GRAMD1B: variants seen among roughly 807,000 people sequenced by gnomAD.
The protein encoded by GRAMD1B is GRAM domain containing 1B.
Under a neutral mutation model 99.7 loss-of-function variants are expected in GRAMD1B, and 37 were observed. The observed-to-expected ratio is 0.37, with a 90% confidence interval of 0.29 to 0.49. GRAMD1B has a LOEUF of 0.49. Among genes scored for constraint, GRAMD1B ranks in the 20% least tolerant of loss-of-function variants. The pLI is 0.98. For missense variants in GRAMD1B, 888 were observed against 1,009.2 expected (o/e 0.88, Z 1.63); for synonymous variants, 427 against 387.6 (o/e 1.10, Z -1.19).
rs1184622583 is a variant in GRAMD1B at position 123,606,671 on chromosome 11, C to T, written c.1386C>T (p.Leu462=). ...LEGDGSLEKE[L]AIDNIMGEKI... ...GAGACGGGTCCCTGGAAAAGGAGCT[C>T]GCCATTGACAACATCATGGGGGAGA... The change falls in exon 11 of 20, where the codon CTC becomes CTT. Residue 462 remains leucine (L), a synonymous_variant. Transcript: ENST00000635736. 11 of 1,613,140 alleles carry T rather than the reference C, an allele frequency of 6.8e-6. No individual in the cohort carries two copies. Among genetic ancestry groups the T allele is most frequent in the Admixed American group, 6.7e-5 (4 of 59,914 alleles).
chr11:123,624,064 T>A lies in GRAMD1B; in HGVS notation c.*1469T>A, dbSNP rs951080251. 1.3e-5 allele frequency: 2 copies of A among 152,220 alleles called. No individual in the cohort carries two copies. Among genetic ancestry groups the A allele is most frequent in the African/African-American group, 4.8e-5 (2 of 41,470 alleles). The allele number at this position is 152,220 out of a possible 1,614,324, so 9.4% of individuals were successfully genotyped here. On this transcript the variant is annotated 3_prime_UTR_variant, in exon 20 of 20. Coordinates refer to ENST00000635736, the MANE Select transcript of GRAMD1B (RefSeq NM_001387025.1). ...CATCCCTCATACACTAACTACTGTTTCTTCATGTAATGACCAAAAGAGTCC... is the reference window on the plus strand; with the variant it reads ...CATCCCTCATACACTAACTACTGTTACTTCATGTAATGACCAAAAGAGTCC...
chr11:123,535,290 GT>G (rs563808023), intron 2 of GRAMD1B, among the ~76,000 whole-genome samples: 8,031 of 144,742 alleles, frequency 0.055, 688 homozygotes, highest in African/African-American at 0.19. Context: ...CAGGAAAGAT[GT>G]TTTTTTTTTT....
intron 1 of GRAMD1B, among the ~76,000 whole-genome samples, chr11:123,480,185 A>G (rs1414157155): frequency 6.6e-6 from 1 of 152,116 alleles, no homozygotes; most frequent in African/African-American, 2.4e-5. Flanking sequence ...TAATTATCTC[A>G]CTTACAGTGC....
intron 1 of GRAMD1B, among the ~76,000 whole-genome samples, chr11:123,400,960 G>A (rs1947639410): frequency 6.6e-6 from 1 of 152,132 alleles, no homozygotes; most frequent in Non-Finnish European, 1.5e-5. Context: ...GAACTAATAA[G>A]GGAAGAAGCT....
rs1237273322 is a variant in GRAMD1B at position 123,513,600 on chromosome 11, T to TC, written c.452+32709dup. Among the ~76,000 whole-genome samples the TC allele has an allele frequency of 4.5e-3, 497 of 109,474 alleles. 9 individuals are homozygous for TC. Among genetic ancestry groups the TC allele is most frequent in the African/African-American group, 0.018 (481 of 26,848 alleles). 71.8% of individuals were successfully genotyped at this position (109,474 alleles called of 152,430 possible). A position where few individuals can be genotyped will look rare whatever the true frequency, so the allele number is the denominator to read the frequency against. On this transcript the variant is annotated intron_variant, in intron 2 of 19. Coordinates refer to ENST00000635736, the MANE Select transcript of GRAMD1B (RefSeq NM_001387025.1). ...TCCTTTCCTTCCTTCCTTCCTTCCT[T>TC]CCTTCCTTCCTTCCTTCCTTTCTTT...
chr11:123,486,047 G>A (rs1937715857), intron 2 of GRAMD1B, among the ~76,000 whole-genome samples: 1 of 152,110 alleles, frequency 6.6e-6, no homozygotes, highest in African/African-American at 2.4e-5. Flanking sequence ...AATTTACTTA[G>A]TGTTACTCAA....
chr11:123,619,786 C>T (rs1954896566), intron 19 of GRAMD1B, among the ~76,000 whole-genome samples: 2 of 152,252 alleles, frequency 1.3e-5, no homozygotes, highest in South Asian at 4.2e-4. Context: ...CAATAATTAG[C>T]CTAGTTTCCT....
At chr11:123,419,744 T>TAAA in intron 1 of GRAMD1B, among the ~76,000 whole-genome samples, 1 of 87,290 alleles carries the variant, frequency 1.1e-5, no homozygotes, top group African/African-American at 5.4e-5. Flanking sequence ...TGTGTGTGTG[T>TAAA]GTGAATGAGA....
chr11:123,477,137 A>G (rs889998740), intron 1 of GRAMD1B, among the ~76,000 whole-genome samples: 3 of 151,174 alleles, frequency 2.0e-5, no homozygotes, highest in African/African-American at 7.3e-5. Context: ...CATACTTCAC[A>G]TTTCTTTCTC....
At chr11:123,437,164 T>A (rs1201056059) in intron 1 of GRAMD1B, among the ~76,000 whole-genome samples, 1 of 152,146 alleles carries the variant, frequency 6.6e-6, no homozygotes, top group Non-Finnish European at 1.5e-5. Context: ...GATGGCACAA[T>A]TTTTTTGCTG....
In GRAMD1B at chr11:123,626,915, G is replaced by C. The variant is rs1196127614; in HGVS notation, c.*4320G>C. 1 of 152,244 alleles carries C rather than the reference G, an allele frequency of 6.6e-6. No homozygotes were observed. The highest frequency in any genetic ancestry group is 6.5e-5 in the Admixed American group (1 of 15,276). 9.4% of individuals were successfully genotyped at this position (152,244 alleles called of 1,614,324 possible). A position where few individuals can be genotyped will look rare whatever the true frequency, so the allele number is the denominator to read the frequency against. ...AGAGCAGAAACTTGCACACTATTTAGAGAGCTCCCTTCCCACCTCTCTGCC... is the reference window on the plus strand; with the variant it reads ...AGAGCAGAAACTTGCACACTATTTACAGAGCTCCCTTCCCACCTCTCTGCC... On this transcript the variant is annotated 3_prime_UTR_variant, in exon 20 of 20. Coordinates refer to ENST00000635736, the MANE Select transcript of GRAMD1B (RefSeq NM_001387025.1).
At chr11:123,360,537 C>T (rs1257247144) in intron 1 of GRAMD1B, among the ~76,000 whole-genome samples, 1 of 152,242 alleles carries the variant, frequency 6.6e-6, no homozygotes, top group Non-Finnish European at 1.5e-5. Flanking sequence ...TTTTTCCGTC[C>T]GTGCTCAAAA....
At chr11:123,445,350 A>G (rs1047262680) in intron 1 of GRAMD1B, among the ~76,000 whole-genome samples, 1 of 151,770 alleles carries the variant, frequency 6.6e-6, no homozygotes. Flanking sequence ...GCTCTTTTTG[A>G]CCTTTTTGTT....
chr11:123,468,470 A>G (rs890382948), intron 1 of GRAMD1B, among the ~76,000 whole-genome samples: 3 of 152,170 alleles, frequency 2.0e-5, no homozygotes, highest in African/African-American at 7.2e-5. Flanking sequence ...TAATCGCTGC[A>G]TCCCAAGGAG....
Position 123,610,278 on chromosome 11 carries a change from ACTT to A in GRAMD1B, c.1862_1864del (p.Phe621del). The A allele has an allele frequency of 6.2e-7, 1 of 1,613,840 alleles. No homozygotes were observed. The highest frequency in any genetic ancestry group is 8.5e-7 in the Non-Finnish European group (1 of 1,179,786). The stretch of plus-strand genomic sequence containing the variant: ...ACCCACGACGTGCCCTACCATGACT[ACTT>A]CTACACAATCAATCGCTACACGCTC... On this transcript the variant is annotated inframe_deletion, in exon 14 of 20. Transcript: ENST00000635736. The surrounding 1 kb of genome is among the most constrained non-coding windows in gnomAD (Gnocchi z 4.1).
rs182961751 is a variant in GRAMD1B, at chr11:123,387,834, C to T, written c.-176+29035C>T. The stretch of plus-strand genomic sequence containing the variant: ...ATTATATGTGATTATTTAAAAATAG[C>T]TATGGTTGGCCGGGTGTGGTGGCTC... On this transcript the variant is annotated intron_variant, in intron 1 of 20. Coordinates refer to the GRAMD1B transcript ENST00000638157. 9.3e-5 allele frequency among the ~76,000 whole-genome samples: 14 copies of T among 150,968 alleles called. No homozygotes were observed. In the East Asian group the frequency reaches 2.8e-3, roughly 30 times the overall value.
rs57120052 is a variant in GRAMD1B at position 123,469,772 on chromosome 11, T to TTCC, written c.375-11043_375-11042insCCT. Among the ~76,000 whole-genome samples the TTCC allele has an allele frequency of 4.0e-4, 43 of 108,370 alleles. 1 individual carries two copies. Among genetic ancestry groups the TTCC allele is most frequent in the African/African-American group, 1.3e-3 (41 of 30,964 alleles). 71.1% of individuals were successfully genotyped at this position (108,370 alleles called of 152,430 possible). ...TTCTTTCTTTCCTTCTTTCTTTCTC[T>TTCC]TTCTTTCCTTCCTTCCTTCCTTCCT... On this transcript the variant is annotated intron_variant, in intron 1 of 19. Transcript: ENST00000635736.
At chr11:123,512,822 G>A (rs1222646588) in intron 2 of GRAMD1B, among the ~76,000 whole-genome samples, 1 of 151,242 alleles carries the variant, frequency 6.6e-6, no homozygotes, top group African/African-American at 2.4e-5. Context: ...TTCAGGAGAG[G>A]GTCCACGAGC....
chr11:123,392,558 T>A (rs1435779175), intron 1 of GRAMD1B, among the ~76,000 whole-genome samples: 1 of 151,928 alleles, frequency 6.6e-6, no homozygotes, highest in Non-Finnish European at 1.5e-5. Flanking sequence ...CTGATACTCA[T>A]ATTATACAGT....
Sources: allele counts gnomAD v4.1 joint callset (sites outside exome capture counted in the v4.1 genomes callset), GRCh38; gene constraint gnomAD v4.1.1; non-coding constraint Gnocchi (gnomAD v3.1); transcripts MANE v1.5; gene names NCBI Gene and HGNC (gene_info 2026-07-23, HGNC 2026-07-21).